CREB1: variants seen among roughly 807,000 people sequenced by gnomAD.
CREB1 encodes the protein cAMP responsive element binding protein 1.
Under a neutral mutation model 42.0 loss-of-function variants are expected in CREB1, and 2 were observed. The ratio of observed to expected loss-of-function variants is 0.05; its 90% confidence interval spans 0.02 to 0.15. The LOEUF (loss-of-function observed/expected upper bound fraction) is 0.15, where lower values mean the gene tolerates loss of function less well. CREB1 is among the 10% of genes least tolerant of loss of function. The pLI, the probability that CREB1 is intolerant of heterozygous loss-of-function variation, is 1.00. For synonymous variants in CREB1, 123 were observed against 139.9 expected, an observed-to-expected ratio of 0.88 and a Z score of 0.85; for missense variants, 199 against 388.9, an observed-to-expected ratio of 0.51 and a Z score of 4.11.
At chr2:207,559,223 C>A in intron 2 of CREB1, 1 of 804,596 alleles carries the variant, frequency 1.2e-6, no homozygotes, top group Non-Finnish European at 1.5e-6. Context: ...GCCACTACTC[C>A]ACTCTGTGCT....
chr2:207,566,997 C>T (rs1424034120), intron 3 of CREB1, among the ~76,000 whole-genome samples: 1 of 151,604 alleles, frequency 6.6e-6, no homozygotes, highest in Non-Finnish European at 1.5e-5. Context: ...GAACAACTGT[C>T]AGGGATGTCA....
intron 7 of CREB1, among the ~76,000 whole-genome samples, chr2:207,593,984 G>A (rs747930558): frequency 3.3e-5 from 5 of 152,070 alleles, no homozygotes; most frequent in Non-Finnish European, 7.3e-5. Flanking sequence ...CTCCCAAAGC[G>A]CTGGGACCTG....
intron 1 of CREB1, among the ~76,000 whole-genome samples, chr2:207,555,320 G>C (rs2081674115): frequency 6.6e-6 from 1 of 152,120 alleles, no homozygotes; most frequent in South Asian, 2.1e-4. Context: ...ACCTCTCCTT[G>C]TTAGTAGGGG....
intron 4 of CREB1, 96 bp from the exon 5 acceptor site, chr2:207,570,083 C>G: frequency 1.3e-6 from 1 of 741,808 alleles, no homozygotes; most frequent in East Asian, 3.2e-5. Context: ...TAAGCACTAG[C>G]AGCTTTCTGT....
At position 207,597,577 on chromosome 2, in the gene CREB1, C is replaced by G. The variant is rs1559085352; in HGVS notation, c.*519C>G. 4.8e-6 allele frequency: 1 copy of G among 209,706 alleles called. No homozygotes were observed. The highest frequency in any genetic ancestry group is 9.7e-6 in the Non-Finnish European group (1 of 103,046). The allele number at this position is 209,706 out of a possible 1,614,324, so 13.0% of individuals were successfully genotyped here. A position where few individuals can be genotyped will look rare whatever the true frequency, so the allele number is the denominator to read the frequency against. On this transcript the variant is annotated 3_prime_UTR_variant, in exon 8 of 8. Coordinates refer to ENST00000353267, the MANE Select transcript of CREB1 (RefSeq NM_004379.5). ...ATGTAAAGTTGTTAAGAGACATACCCTCTAAAAAAGAACTTTAGCATGGTA... is the reference window on the plus strand; with the variant it reads ...ATGTAAAGTTGTTAAGAGACATACCGTCTAAAAAAGAACTTTAGCATGGTA...
chr2:207,593,524 C>T (rs2085485518), intron 7 of CREB1, among the ~76,000 whole-genome samples: 1 of 151,986 alleles, frequency 6.6e-6, no homozygotes, highest in South Asian at 2.1e-4. Context: ...AGCAAGACCC[C>T]ATCTCAAAAA....
intron 7 of CREB1, among the ~76,000 whole-genome samples, chr2:207,587,082 G>A (rs1405082876): frequency 6.6e-6 from 1 of 152,106 alleles, no homozygotes; most frequent in Non-Finnish European, 1.5e-5. Context: ...TACGGAAAAC[G>A]GTGTGGAGGT....
intron 7 of CREB1, among the ~76,000 whole-genome samples, chr2:207,589,893 A>C (rs1428135582): frequency 6.6e-6 from 1 of 152,158 alleles, no homozygotes; most frequent in Non-Finnish European, 1.5e-5. Flanking sequence ...TTTATGGCTA[A>C]TATGGGATTT....
At chr2:207,550,658 T>C (rs1031638247) in intron 1 of CREB1, 1 of 152,222 alleles carries the variant, frequency 6.6e-6, no homozygotes. Context: ...GCTTGCTTTC[T>C]ATTATGAGCT....
chr2:207,563,301 C>G (rs955262775), intron 3 of CREB1, among the ~76,000 whole-genome samples: 1 of 152,164 alleles, frequency 6.6e-6, no homozygotes, highest in Admixed American at 6.5e-5. Flanking sequence ...AATGTCAAAT[C>G]TACGTATTTT....
At chr2:207,582,223 G>T in intron 7 of CREB1, 2 of 701,558 alleles carry the variant, frequency 2.9e-6, no homozygotes, top group Non-Finnish European at 5.2e-6. Context: ...GTAATTAGGT[G>T]TATTTTAGAA....
chr2:207,598,111 A>T lies in CREB1; in HGVS notation c.*1053A>T, dbSNP rs891465395. 2 of 180,612 alleles carry T rather than the reference A, an allele frequency of 1.1e-5. No homozygotes were observed. The highest frequency in any genetic ancestry group is 2.4e-5 in the Non-Finnish European group (2 of 84,480). The allele number at this position is 180,612 out of a possible 1,614,324, so 11.2% of individuals were successfully genotyped here. A position where few individuals can be genotyped will look rare whatever the true frequency, so the allele number is the denominator to read the frequency against. On this transcript the variant is annotated 3_prime_UTR_variant, in exon 8 of 8. Transcript: ENST00000353267. ...AAATGTTACATGTAGAAAAATACTG[A>T]TTTTAAATATTTTCCATATTAACAA...
intron 7 of CREB1, 70 bp downstream of exon 7, chr2:207,577,725 T>C (rs934700316): frequency 3.9e-6 from 6 of 1,557,500 alleles, no homozygotes; most frequent in Non-Finnish European, 5.3e-6. Context: ...GATGTGTATC[T>C]TTACATCTAC....
At chr2:207,536,971 CAG>C (rs1178819243) in intron 1 of CREB1, among the ~76,000 whole-genome samples, 5 of 152,216 alleles carry the variant, frequency 3.3e-5, no homozygotes, top group Non-Finnish European at 5.9e-5. Flanking sequence ...CTCTGGGTGA[CAG>C]AGCAAGATGC....
chr2:207,538,507 A>G (rs914018338), intron 1 of CREB1, among the ~76,000 whole-genome samples: 3 of 151,896 alleles, frequency 2.0e-5, no homozygotes, highest in Non-Finnish European at 4.4e-5. Context: ...TAGCTGTGTG[A>G]ACAAAGATGA....
chr2:207,544,024 A>T (rs113889746), intron 1 of CREB1, among the ~76,000 whole-genome samples: 1 of 151,940 alleles, frequency 6.6e-6, no homozygotes, highest in Non-Finnish European at 1.5e-5. Context: ...GGTTCATGCC[A>T]TTCTCCTGCT....
At chr2:207,531,197 T>C (rs761038642) in intron 1 of CREB1, among the ~76,000 whole-genome samples, 4 of 152,116 alleles carry the variant, frequency 2.6e-5, no homozygotes, top group Non-Finnish European at 5.9e-5. Context: ...GTACTCTTGT[T>C]TTACATCATT....
At position 207,560,207 on chromosome 2, in the gene CREB1, T is replaced by G; in HGVS notation, c.115-19T>G. On this transcript the variant is annotated intron_variant, in intron 2 of 7. Coordinates refer to ENST00000353267, the MANE Select transcript of CREB1 (RefSeq NM_004379.5). ...AGAGTGTCTGGGATGATAATTCTTT[T>G]CTGTGTTCAACACCATAGGTATCTA... 1.9e-6 allele frequency: 3 copies of G among 1,549,332 alleles called. No individual in the cohort carries two copies. The highest frequency in any genetic ancestry group is 2.6e-6 in the Non-Finnish European group (3 of 1,137,366).
intron 3 of CREB1, among the ~76,000 whole-genome samples, chr2:207,564,719 G>A (rs1422976714): frequency 6.6e-6 from 1 of 152,072 alleles, no homozygotes. Flanking sequence ...AATATAAACA[G>A]GTAGTATGGG....
Sources: allele counts gnomAD v4.1 joint callset (sites outside exome capture counted in the v4.1 genomes callset), GRCh38; gene constraint gnomAD v4.1.1; transcripts MANE v1.5; gene names NCBI Gene and HGNC (gene_info 2026-07-23, HGNC 2026-07-21).